C10orf90: variants seen among roughly 807,000 people sequenced by gnomAD.
The protein encoded by C10orf90 is (E2-independent) E3 ubiquitin-conjugating enzyme FATS.
C10orf90 carries 56 observed loss-of-function variants against 62.5 expected under a neutral mutation model. The ratio of observed to expected loss-of-function variants is 0.90; its 90% CI spans 0.72 to 1.12. The LOEUF (loss-of-function observed/expected upper bound fraction) is 1.12. Among genes scored for constraint, C10orf90 ranks in the 50% most tolerant of loss-of-function variants. The probability of loss-of-function intolerance (pLI) is 0.00; values close to 1 mark genes in which losing one functional copy is unlikely to be tolerated. For synonymous variants in C10orf90, 386 were observed against 340.4 expected (o/e 1.13, Z -1.47); for missense variants, 970 against 880.4 (o/e 1.10, Z -1.29).
intron 3 of C10orf90, among the ~76,000 whole-genome samples, chr10:126,509,841 T>A (rs532144528): frequency 6.6e-6 from 1 of 152,184 alleles, no homozygotes; most frequent in Non-Finnish European, 1.5e-5. Context: ...AGGTCCAACC[T>A]CTTAAAAATC....
chr10:126,437,806 G>A (rs998018083), intron 7 of C10orf90, among the ~76,000 whole-genome samples: 5 of 151,826 alleles, frequency 3.3e-5, no homozygotes, highest in Non-Finnish European at 7.4e-5. Flanking sequence ...CAACAAACAG[G>A]CCCCCAGCTG....
intron 2 of C10orf90, among the ~76,000 whole-genome samples, chr10:126,563,043 C>T (rs1306151681): frequency 6.6e-6 from 1 of 152,218 alleles, no homozygotes; most frequent in Non-Finnish European, 1.5e-5. Flanking sequence ...CATGATGTCA[C>T]ATTGATGACT....
At chr10:126,561,826 A>T (rs7078314) in intron 2 of C10orf90, among the ~76,000 whole-genome samples, 1 of 152,276 alleles carries the variant, frequency 6.6e-6, no homozygotes, top group South Asian at 2.1e-4. Flanking sequence ...GCTGAGCGCC[A>T]GTCAACACCT....
chr10:126,576,749 C>G (rs1242933535), intron 2 of C10orf90, among the ~76,000 whole-genome samples: 5 of 72,508 alleles, frequency 6.9e-5, no homozygotes, highest in African/African-American at 3.0e-4. Context: ...TGTATATATA[C>G]ATATAGATAA....
At chr10:126,586,695 T>C (rs954546060) in intron 2 of C10orf90, among the ~76,000 whole-genome samples, 8 of 152,112 alleles carry the variant, frequency 5.3e-5, no homozygotes, top group Non-Finnish European at 1.2e-4. Context: ...GACGAGGGGC[T>C]CTGGAGACTT....
chr10:126,483,789 A>T (rs1032940736), intron 4 of C10orf90, among the ~76,000 whole-genome samples: 1 of 152,178 alleles, frequency 6.6e-6, no homozygotes, highest in African/African-American at 2.4e-5. Context: ...ATAGCCTCAC[A>T]TGCTGGGTCC....
At chr10:126,543,283 G>A (rs2033698) in intron 2 of C10orf90, among the ~76,000 whole-genome samples, 7,928 of 152,196 alleles carry the variant, frequency 0.052, 524 homozygotes, top group African/African-American at 0.16. Context: ...GTCATCAACC[G>A]TCTGTGCACC....
intron 2 of C10orf90, among the ~76,000 whole-genome samples, chr10:126,629,295 C>T (rs1323413499): frequency 6.6e-6 from 1 of 152,184 alleles, no homozygotes; most frequent in African/African-American, 2.4e-5. Flanking sequence ...GAACTAGAAG[C>T]CCAGCTTATC....
At chr10:126,520,509 A>T (rs1256012819) in intron 2 of C10orf90, 1 of 151,662 alleles carries the variant, frequency 6.6e-6, no homozygotes, top group Non-Finnish European at 1.5e-5. Context: ...CACTGAGCTA[A>T]CTCCTAACTC....
chr10:126,535,433 C>T lies in C10orf90; in HGVS notation c.314-21494G>A, dbSNP rs1318021860. ...GTGGGAGGCTGAGGTAGGAGAGTGG[C>T]GTGAACCTGGGAGGTGGAGCTTGCA... is the stretch of plus-strand genomic sequence containing the variant. On this transcript the variant is annotated intron_variant, in intron 2 of 9. Coordinates refer to ENST00000488181, the MANE Select transcript of C10orf90 (RefSeq NM_001350921.2). Among the ~76,000 whole-genome samples, 4 of 151,128 alleles carry T rather than the reference C, an allele frequency of 2.6e-5. No individual in the cohort carries two copies. The South Asian group carries it at 8.4e-4, about 32-fold the overall frequency.
chr10:126,628,737 G>A (rs1845795905), intron 2 of C10orf90, among the ~76,000 whole-genome samples: 1 of 152,192 alleles, frequency 6.6e-6, no homozygotes, highest in African/African-American at 2.4e-5. Context: ...CGTCTCCCCA[G>A]CCACTCACTT....
At chr10:126,455,853 C>T (rs985691100) in intron 7 of C10orf90, among the ~76,000 whole-genome samples, 3 of 152,188 alleles carry the variant, frequency 2.0e-5, no homozygotes, top group African/African-American at 7.2e-5. Context: ...GCTCAGAATT[C>T]ACTAGCTACC....
chr10:126,522,326 C>T (rs1292704714), intron 2 of C10orf90, among the ~76,000 whole-genome samples: 2 of 152,130 alleles, frequency 1.3e-5, no homozygotes, highest in Non-Finnish European at 2.9e-5. Flanking sequence ...ATCACAACTA[C>T]AGGGTGAGTT....
chr10:126,522,076 C>T (rs908819751), intron 2 of C10orf90, among the ~76,000 whole-genome samples: 3 of 152,094 alleles, frequency 2.0e-5, no homozygotes, highest in African/African-American at 7.2e-5. Flanking sequence ...CGAGACCAGC[C>T]TGACCAACAT....
intron 2 of C10orf90, among the ~76,000 whole-genome samples, chr10:126,596,148 A>AG (rs1468592718): frequency 6.6e-6 from 1 of 151,158 alleles, no homozygotes; most frequent in Non-Finnish European, 1.5e-5. Context: ...TAAAAAAAAA[A>AG]AAAAAAAAGC....
intron 1 of C10orf90, among the ~76,000 whole-genome samples, chr10:126,656,098 C>G (rs1222487875): frequency 6.6e-6 from 1 of 152,078 alleles, no homozygotes; most frequent in South Asian, 2.1e-4. Context: ...TCCTTAAGAG[C>G]TTTATAACAG....
chr10:126,635,028 C>T (rs1402368015), intron 2 of C10orf90, among the ~76,000 whole-genome samples: 2 of 152,200 alleles, frequency 1.3e-5, no homozygotes, highest in African/African-American at 2.4e-5. Flanking sequence ...CAAGGCCTGG[C>T]CAACCGCCTC....
chr10:126,432,205 A>C (rs1417620427), intron 7 of C10orf90, among the ~76,000 whole-genome samples: 2 of 152,202 alleles, frequency 1.3e-5, no homozygotes, highest in East Asian at 3.9e-4. Flanking sequence ...ACCTCACTTG[A>C]GTGAGAGGAA....
chr10:126,425,962 A>T (rs753912532), intron 9 of C10orf90, 29 bp downstream of exon 9: 2 of 1,613,798 alleles, frequency 1.2e-6, no homozygotes, highest in South Asian at 2.2e-5. Flanking sequence ...CACCACACAC[A>T]TCACACCTGC....
Sources: gnomAD v4.1 joint callset for allele counts (sites outside exome capture counted in the v4.1 genomes callset) on GRCh38, gnomAD v4.1.1 for gene constraint, MANE v1.5 for transcripts, NCBI Gene and HGNC (gene_info 2026-07-23, HGNC 2026-07-21) for gene names.